Variants in PDZD8 observed in about 807,000 individuals in gnomAD.
PDZD8 encodes the protein PDZ domain-containing protein 8.
A neutral mutation model predicts 85.8 loss-of-function variants in PDZD8; 14 were observed. The observed-to-expected ratio is 0.16, with a 90% CI of 0.11 to 0.26. The LOEUF is 0.26. PDZD8 is among the 10% of genes least tolerant of loss of function. PDZD8 has a pLI of 1.00. For missense variants in PDZD8, 1,197 were observed against 1,424.3 expected (o/e 0.84, Z 2.57); for synonymous variants, 592 against 568.6 (o/e 1.04, Z -0.59).
At chr10:117,335,709 G>C (rs993867865) in intron 2 of PDZD8, among the ~76,000 whole-genome samples, 1 of 152,124 alleles carries the variant, frequency 6.6e-6, no homozygotes, top group Non-Finnish European at 1.5e-5. Flanking sequence ...GGAAAAACAA[G>C]TCTAAATAAT....
chr10:117,355,693 A>G lies in PDZD8; in HGVS notation c.873-14591T>C, dbSNP rs145169291. Among the ~76,000 whole-genome samples the G allele has an allele frequency of 3.9e-3, 589 of 152,308 alleles. 2 individuals carry two copies. The highest frequency in any genetic ancestry group is 5.6e-3 in the Non-Finnish European group (381 of 68,016). On this transcript the variant is annotated intron_variant, in intron 1 of 4. Coordinates refer to ENST00000334464, the MANE Select transcript of PDZD8 (RefSeq NM_173791.5). ...AGAATTGCATTGAATAATGAAAAGC[A>G]CTTAGTACCATGCCAGCAAACACTC...
chr10:117,279,087 G>T lies in PDZD8; in HGVS notation c.*4181C>A, dbSNP rs948144791. 1 of 152,202 alleles carries T rather than the reference G, an allele frequency of 6.6e-6. No individual in the cohort carries two copies. Among genetic ancestry groups the T allele is most frequent in the Admixed American group, 6.5e-5 (1 of 15,282 alleles). 9.4% of individuals were successfully genotyped at this position (152,202 alleles called of 1,614,324 possible). A position where few individuals can be genotyped will look rare whatever the true frequency, so the allele number is the denominator to read the frequency against. ...AAGGCCTGGCAAAGGTATGCCTGCT[G>T]TTGGTCCCTCGGGATAAGATAAAAT... On this transcript the variant is annotated 3_prime_UTR_variant, in exon 5 of 5. Transcript: ENST00000334464.
rs1844645027 is a variant in PDZD8, at chr10:117,285,440, C to G, written c.1293G>C (p.Leu431Phe). 4 of 1,609,898 alleles carry G rather than the reference C, an allele frequency of 2.5e-6. No individual in the cohort carries two copies. Among genetic ancestry groups the G allele is most frequent in the Admixed American group, 3.3e-5 (2 of 59,824 alleles). The change falls in exon 5 of 5, where the codon TTG becomes TTC. Residue 431 changes from leucine to phenylalanine, a missense_variant. Coordinates refer to ENST00000334464, the MANE Select transcript of PDZD8 (RefSeq NM_173791.5). ...GVKITSTLQVLKLIKQAGDRV... is the reference protein window; with the variant it reads ...GVKITSTLQVFKLIKQAGDRV... ...GGTCACCAGCCTGCTTGATAAGCTT[C>G]AACACTTGCAGTGTTGATGTGATTT... is the stretch of plus-strand genomic sequence containing the variant.
intron 2 of PDZD8, among the ~76,000 whole-genome samples, chr10:117,324,585 T>G (rs958149951): frequency 6.6e-6 from 1 of 152,302 alleles, no homozygotes; most frequent in African/African-American, 2.4e-5. Context: ...AGATTCATTA[T>G]AAGTACTCTG....
At chr10:117,333,792 A>G (rs866621138) in intron 2 of PDZD8, among the ~76,000 whole-genome samples, 1 of 152,340 alleles carries the variant, frequency 6.6e-6, no homozygotes, top group South Asian at 2.1e-4. Flanking sequence ...TCAAACTTCT[A>G]CTTTGAAAAT....
At chr10:117,323,942 G>A (rs987312955) in intron 2 of PDZD8, among the ~76,000 whole-genome samples, 10 of 151,824 alleles carry the variant, frequency 6.6e-5, no homozygotes, top group African/African-American at 2.4e-4. Flanking sequence ...AAAGACAAAA[G>A]ACAGGCAGGG....
chr10:117,368,629 C>T (rs1216376988), intron 1 of PDZD8, among the ~76,000 whole-genome samples: 2 of 152,116 alleles, frequency 1.3e-5, no homozygotes, highest in Non-Finnish European at 2.9e-5. Context: ...TTCAAATATA[C>T]TGTCAATAAG....
In PDZD8 at chr10:117,343,729, G is replaced by T. The variant is rs556200087; in HGVS notation, c.873-2627C>A. On this transcript the variant is annotated intron_variant, in intron 1 of 4. Coordinates refer to ENST00000334464, the MANE Select transcript of PDZD8 (RefSeq NM_173791.5). ...ATTTGGATTTACTAATGCTCAGGGG[G>T]TTTTGCTAAGAGTGTTTATGCACAA... 3.9e-5 allele frequency among the ~76,000 whole-genome samples: 6 copies of T among 152,292 alleles called. No homozygotes were observed. The East Asian group carries it at 1.2e-3, about 29-fold the overall frequency.
At chr10:117,360,309 A>G (rs1194579518) in intron 1 of PDZD8, among the ~76,000 whole-genome samples, 3 of 152,096 alleles carry the variant, frequency 2.0e-5, no homozygotes, top group Non-Finnish European at 2.9e-5. Context: ...GGCAAATCTC[A>G]TATCTTCTTA....
intron 1 of PDZD8, among the ~76,000 whole-genome samples, chr10:117,364,867 TTA>T (rs1319854778): frequency 6.6e-6 from 1 of 151,750 alleles, no homozygotes; most frequent in Non-Finnish European, 1.5e-5. Context: ...CACATTCATA[TTA>T]TAGTCTCATT....
At chr10:117,328,896 TCTC>T (rs1844365763) in intron 2 of PDZD8, among the ~76,000 whole-genome samples, 1 of 152,210 alleles carries the variant, frequency 6.6e-6, no homozygotes, top group Admixed American at 6.5e-5. Context: ...TTGACTGATA[TCTC>T]CTCTTGGTAT....
rs201307913 is a variant in PDZD8 at position 117,352,871 on chromosome 10, AG to A, written c.873-11770del. ...AGCTCGTAGGGGAAGGGTTTTTCAA[AG>A]GCAGTTTGGGGAAAGGAGTGGGGTG... On this transcript the variant is annotated intron_variant, in intron 1 of 4. Transcript: ENST00000334464. Among the ~76,000 whole-genome samples, 56 of 152,152 alleles carry A rather than the reference AG, an allele frequency of 3.7e-4. No individual in the cohort carries two copies. In the East Asian group the frequency reaches 9.9e-3, roughly 27 times the overall value.
In PDZD8 at chr10:117,341,042, G is replaced by C; in HGVS notation, c.933C>G (p.Ile311Met). The C allele has an allele frequency of 1.9e-6, 3 of 1,613,728 alleles. No homozygotes were observed. Among genetic ancestry groups the C allele is most frequent in the Non-Finnish European group, 2.5e-6 (3 of 1,179,666 alleles). ...CAGTAAGTGCCCATTGTTGTATATG[G>C]ATATGCTCTTCATCTTCTTCAAATC... The part of the protein sequence containing the change: ...LQGFEEDEEH[I>M]HIQQWALTEG... Residue 311 changes from isoleucine to methionine, a missense_variant, in exon 2 of 5, where the codon ATC becomes ATG. By Grantham distance (10) the Ile-to-Met change is conservative. Coordinates refer to ENST00000334464, the MANE Select transcript of PDZD8 (RefSeq NM_173791.5).
Position 117,290,217 on chromosome 10 carries a change from A to G in PDZD8, c.1230T>C (p.Leu410=). 1 of 1,614,102 alleles carries G rather than the reference A, an allele frequency of 6.2e-7. No individual in the cohort carries two copies. Among genetic ancestry groups the G allele is most frequent in the Non-Finnish European group, 8.5e-7 (1 of 1,179,986 alleles). ...APNSPAAIAD[L]QRGDRLIAIG... is the part of the protein sequence containing the mutation. ...TGGCGATAAGTCGATCTCCCCGCTG[A>G]AGATCTGCAATTGCAGCAGGCGAGT... Residue 410 remains leucine, a synonymous_variant, in exon 4 of 5, where the codon CTT becomes CTC. Coordinates refer to ENST00000334464, the MANE Select transcript of PDZD8 (RefSeq NM_173791.5).
chr10:117,319,976 G>C (rs1484432281), intron 2 of PDZD8, among the ~76,000 whole-genome samples: 1 of 151,992 alleles, frequency 6.6e-6, no homozygotes, highest in African/African-American at 2.4e-5. Context: ...TGTGTCCGCA[G>C]GTTAAAGACC....
chr10:117,304,621 T>C (rs1026779509), intron 3 of PDZD8, among the ~76,000 whole-genome samples: 1 of 152,078 alleles, frequency 6.6e-6, no homozygotes, highest in East Asian at 1.9e-4. Flanking sequence ...AGAATTCCCA[T>C]GTGTTGTGGG....
At chr10:117,353,213 C>G (rs1844836309) in intron 1 of PDZD8, among the ~76,000 whole-genome samples, 1 of 152,030 alleles carries the variant, frequency 6.6e-6, no homozygotes, top group South Asian at 2.1e-4. Flanking sequence ...ACTATTTTGT[C>G]TAGGTTATGA....
Position 117,279,250 on chromosome 10 carries a change from G to A in PDZD8, c.*4018C>T, listed in dbSNP as rs937354611. ...GTGTTTTTTTAAAATGTACATACCA[G>A]AACAAAGAACATACAGCTCTCTGAA... On this transcript the variant is annotated 3_prime_UTR_variant, in exon 5 of 5. Transcript: ENST00000334464. 6.6e-6 allele frequency: 1 copy of A among 152,116 alleles called. No individual in the cohort carries two copies. Among genetic ancestry groups the A allele is most frequent in the African/African-American group, 2.4e-5 (1 of 41,402 alleles). The allele number at this position is 152,116 out of a possible 1,614,324, so 9.4% of individuals were successfully genotyped here.
intron 2 of PDZD8, among the ~76,000 whole-genome samples, chr10:117,327,656 G>A (rs909746721): frequency 2.0e-5 from 3 of 152,170 alleles, no homozygotes; most frequent in African/African-American, 7.2e-5. Context: ...CATGAATCAT[G>A]AATAAAAGCC....
Sources: gnomAD v4.1 joint callset for allele counts (sites outside exome capture counted in the v4.1 genomes callset) on GRCh38, gnomAD v4.1.1 for gene constraint, MANE v1.5 for transcripts, NCBI Gene and HGNC (gene_info 2026-07-23, HGNC 2026-07-21) for gene names.